LINGO2: variants seen among roughly 807,000 people sequenced by gnomAD.
LINGO2 encodes the protein leucine-rich repeat and immunoglobulin-like domain-containing nogo receptor-interacting protein 2.
Under a neutral mutation model 30.6 loss-of-function variants are expected in LINGO2, and 14 were observed. The observed-to-expected ratio is 0.46, with a 90% CI of 0.30 to 0.72. The LOEUF is 0.72. Ranked by LOEUF, LINGO2 falls within the 30% of genes least tolerant of loss-of-function variation. The pLI is 0.07. For synonymous variants in LINGO2, 317 were observed against 288.5 expected (o/e 1.10, Z -1.00); for missense variants, 729 against 751.7 (o/e 0.97, Z 0.35).
intron 4 of LINGO2, among the ~76,000 whole-genome samples, chr9:28,152,830 A>G (rs1828037435): frequency 6.6e-6 from 1 of 152,204 alleles, no homozygotes; most frequent in African/African-American, 2.4e-5. Context: ...ACATGACAAC[A>G]TGTGAAAGAC....
chr9:28,974,479 G>A, the LINGO2 span, among the ~76,000 whole-genome samples: 3 of 152,046 alleles, frequency 2.0e-5, no homozygotes, highest in African/African-American at 7.2e-5. Flanking sequence ...AGGAAGTTAA[G>A]GCTTAGTATT....
chr9:28,372,203 T>C (rs528277478), intron 3 of LINGO2, among the ~76,000 whole-genome samples: 14 of 152,336 alleles, frequency 9.2e-5, no homozygotes, highest in Admixed American at 8.5e-4. Flanking sequence ...ATTGCTATAT[T>C]GAATTCACTT....
the LINGO2 span, among the ~76,000 whole-genome samples, chr9:29,081,769 G>A: frequency 6.6e-6 from 1 of 152,198 alleles, no homozygotes; most frequent in Non-Finnish European, 1.5e-5. Context: ...AAATTCACAA[G>A]CATTCTTATA....
chr9:28,026,357 T>G (rs1823375646), intron 4 of LINGO2, among the ~76,000 whole-genome samples: 1 of 152,162 alleles, frequency 6.6e-6, no homozygotes, highest in Non-Finnish European at 1.5e-5. Context: ...AGTAAGTTAG[T>G]GCAGTGGTTC....
intron 4 of LINGO2, among the ~76,000 whole-genome samples, chr9:28,122,168 C>T (rs1827114252): frequency 1.3e-5 from 2 of 152,218 alleles, no homozygotes; most frequent in African/African-American, 4.8e-5. Context: ...TAAAACGAAA[C>T]ATTCAATAGT....
intron 1 of LINGO2, among the ~76,000 whole-genome samples, chr9:28,585,811 G>C (rs1362050673): frequency 6.6e-6 from 1 of 152,124 alleles, no homozygotes; most frequent in African/African-American, 2.4e-5. Context: ...TTTTGTTGTT[G>C]GTTCACTTGG....
At chr9:28,371,329 T>C (rs1357188957) in intron 3 of LINGO2, among the ~76,000 whole-genome samples, 1 of 152,168 alleles carries the variant, frequency 6.6e-6, no homozygotes, top group African/African-American at 2.4e-5. Context: ...TTTAGTGCAT[T>C]GAAACAACAG....
chr9:28,816,992 T>C, the LINGO2 span, among the ~76,000 whole-genome samples: 6 of 152,318 alleles, frequency 3.9e-5, no homozygotes, highest in African/African-American at 1.2e-4. Flanking sequence ...CAGGCGACAT[T>C]CTTTAGAAAT....
chr9:28,187,172 G>A (rs1819570502), intron 4 of LINGO2, among the ~76,000 whole-genome samples: 1 of 152,088 alleles, frequency 6.6e-6, no homozygotes, highest in South Asian at 2.1e-4. Context: ...AGGGTTATCA[G>A]CATTTCCTGA....
intron 1 of LINGO2, among the ~76,000 whole-genome samples, chr9:28,526,998 T>A (rs1821062753): frequency 6.6e-6 from 1 of 152,240 alleles, no homozygotes; most frequent in South Asian, 2.1e-4. Context: ...TACATTATTA[T>A]ATTAAAAGTC....
intron 1 of LINGO2, among the ~76,000 whole-genome samples, chr9:28,624,074 TAG>T (rs1358769758): frequency 2.0e-5 from 3 of 152,098 alleles, no homozygotes; most frequent in Admixed American, 1.3e-4. Context: ...TATTTTTTGT[TAG>T]AGTCTTTAGA....
At chr9:28,190,428 C>G (rs1819780319) in intron 4 of LINGO2, among the ~76,000 whole-genome samples, 2 of 152,012 alleles carry the variant, frequency 1.3e-5, no homozygotes, top group South Asian at 4.1e-4. Flanking sequence ...AATCCTAACC[C>G]CTAGTGTAAT....
intron 4 of LINGO2, among the ~76,000 whole-genome samples, chr9:28,114,753 G>A (rs1314482416): frequency 9.0e-6 from 1 of 111,614 alleles, no homozygotes; most frequent in Non-Finnish European, 1.8e-5. Context: ...GGGATCGGTG[G>A]TGATATCCCC....
the LINGO2 span, among the ~76,000 whole-genome samples, chr9:29,011,793 A>G: frequency 1.3e-5 from 2 of 152,168 alleles, no homozygotes; most frequent in Admixed American, 1.3e-4. Flanking sequence ...TTATTAAAGA[A>G]GAAACATTAT....
intron 1 of LINGO2, among the ~76,000 whole-genome samples, chr9:28,480,937 T>C (rs1825937992): frequency 6.6e-6 from 1 of 152,170 alleles, no homozygotes; most frequent in Non-Finnish European, 1.5e-5. Flanking sequence ...CTAAGTCATC[T>C]GCCTCAACAA....
chr9:28,475,823 C>T (rs1825707554), intron 2 of LINGO2, 117 bp downstream of exon 4: 1 of 152,538 alleles, frequency 6.6e-6, no homozygotes, highest in Non-Finnish European at 1.5e-5. Context: ...CATGAAAATA[C>T]ATTTCACAGG....
At chr9:28,208,247 T>C (rs1325246392) in intron 4 of LINGO2, among the ~76,000 whole-genome samples, 1 of 152,066 alleles carries the variant, frequency 6.6e-6, no homozygotes, top group African/African-American at 2.4e-5. Context: ...ACCACAAGCC[T>C]TAGGACCAAA....
intron 4 of LINGO2, among the ~76,000 whole-genome samples, chr9:28,268,458 G>T (rs1397682985): frequency 6.6e-6 from 1 of 152,016 alleles, no homozygotes. Flanking sequence ...AGGTTTTCAG[G>T]TAATTGCATT....
the LINGO2 span, among the ~76,000 whole-genome samples, chr9:29,144,068 C>A: frequency 6.6e-6 from 1 of 152,076 alleles, no homozygotes; most frequent in Non-Finnish European, 1.5e-5. Context: ...CGTTTAATAG[C>A]AGATGGTTGT....
Sources: gnomAD v4.1 joint callset for allele counts (sites outside exome capture counted in the v4.1 genomes callset) on GRCh38, gnomAD v4.1.1 for gene constraint, MANE v1.5 for transcripts, NCBI Gene and HGNC (gene_info 2026-07-23, HGNC 2026-07-21) for gene names.